The following PGBD5 variants were observed in gnomAD, a reference collection of about 807,000 sequenced individuals.
The protein encoded by PGBD5 is piggyBac transposable element-derived protein 5.
Under a neutral mutation model 47.9 loss-of-function variants are expected in PGBD5, and 14 were observed. The ratio of observed to expected loss-of-function variants is 0.29; its 90% CI spans 0.19 to 0.46. The LOEUF (loss-of-function observed/expected upper bound fraction) is 0.46. PGBD5 is among the 20% of genes least tolerant of loss of function. The pLI is 1.00. For synonymous variants in PGBD5, 316 were observed against 306.3 expected, an observed-to-expected ratio of 1.03 and a Z score of -0.33; for missense variants, 635 against 716.0, an observed-to-expected ratio of 0.89 and a Z score of 1.29.
At chr1:230,361,737 A>C (rs977742952) in intron 1 of PGBD5, among the ~76,000 whole-genome samples, 1 of 152,200 alleles carries the variant, frequency 6.6e-6, no homozygotes, top group Non-Finnish European at 1.5e-5. Context: ...AAGGAGTAAG[A>C]CTTGATATTC....
intron 2 of PGBD5, among the ~76,000 whole-genome samples, chr1:230,352,027 A>T (rs990279557): frequency 3.9e-5 from 6 of 152,214 alleles, no homozygotes; most frequent in Admixed American, 2.0e-4. Context: ...ATTATGAATT[A>T]GATTGTGCAT....
intron 1 of PGBD5, among the ~76,000 whole-genome samples, chr1:230,359,072 C>CTT (rs543587301): frequency 0.011 from 1,614 of 146,692 alleles, 25 homozygotes; most frequent in African/African-American, 0.036. Flanking sequence ...TTTTTCTTTT[C>CTT]TTTTTTTTTT....
rs150857836 is a variant in PGBD5 at position 230,408,652 on chromosome 1, T to C, written c.331+16946A>G. Among the ~76,000 whole-genome samples, 61 of 152,268 alleles carry C rather than the reference T, an allele frequency of 4.0e-4. 1 individual carries two copies. In the East Asian group the frequency reaches 0.012, roughly 29 times the overall value. On this transcript the variant is annotated intron_variant, in intron 1 of 6. Coordinates refer to ENST00000391860, the MANE Select transcript of PGBD5 (RefSeq NM_001258311.2). ...TTTCAATTAATGGTGCTGAAGCAAC[T>C]GAATATCCACATGCAAAAGAAAAAA...
chr1:230,372,926 A>G (rs2632565), intron 1 of PGBD5, among the ~76,000 whole-genome samples: 108,827 of 151,504 alleles, frequency 0.72, 39,473 homozygotes, highest in African/African-American at 0.74. Flanking sequence ...TCTACATATC[A>G]CCTCCTCCCA....
intron 1 of PGBD5, among the ~76,000 whole-genome samples, chr1:230,384,106 G>T (rs1455240882): frequency 2.6e-5 from 4 of 152,138 alleles, no homozygotes; most frequent in Non-Finnish European, 4.4e-5. Flanking sequence ...TTTCTTTGGG[G>T]GAATACTTTT....
In PGBD5 at chr1:230,379,835, T is replaced by C. The variant is rs1668065252; in HGVS notation, c.332-22514A>G. 2.6e-5 allele frequency among the ~76,000 whole-genome samples: 4 copies of C among 152,264 alleles called. No homozygotes were observed. In the South Asian group the frequency reaches 8.3e-4, roughly 31 times the overall value. On this transcript the variant is annotated intron_variant, in intron 1 of 6. Coordinates refer to ENST00000391860, the MANE Select transcript of PGBD5 (RefSeq NM_001258311.2). ...CTGACACATGTTGGCTCATTTAATCTGCATCCTCCCCTCTGAAATCTTATC... is the reference window on the plus strand; with the variant it reads ...CTGACACATGTTGGCTCATTTAATCCGCATCCTCCCCTCTGAAATCTTATC...
At chr1:230,354,361 G>A (rs1667603350) in intron 2 of PGBD5, among the ~76,000 whole-genome samples, 1 of 152,068 alleles carries the variant, frequency 6.6e-6, no homozygotes, top group Non-Finnish European at 1.5e-5. Context: ...CCTGAGCTGA[G>A]GCCTGGAGGT....
chr1:230,340,043 C>T (rs973436072), intron 3 of PGBD5, among the ~76,000 whole-genome samples: 12 of 152,058 alleles, frequency 7.9e-5, no homozygotes, highest in Middle Eastern at 3.4e-3. Context: ...TCAGTTGGCT[C>T]GATTTGGCCA....
At chr1:230,330,104 G>A (rs984351169) in intron 5 of PGBD5, among the ~76,000 whole-genome samples, 1 of 152,186 alleles carries the variant, frequency 6.6e-6, no homozygotes, top group African/African-American at 2.4e-5. Context: ...AAGGAAAATT[G>A]TAAGGAACAT....
rs748194917 is a variant in PGBD5 at position 230,351,072 on chromosome 1, G to A, written c.780C>T (p.Ile260=). 35 of 1,613,258 alleles carry A rather than the reference G, an allele frequency of 2.2e-5. No homozygotes were observed. The East Asian group carries it at 6.9e-4, about 32-fold the overall frequency. ...TGGCAATGAATACAGGATCCTCATC[G>A]ATCAGGGGTTCATGTAGCACCTGCC... is the stretch of plus-strand genomic sequence containing the variant. ...SQTQVLHEPL[I]DEDPVFIATC... is the part of the protein sequence containing the mutation. Residue 260 remains isoleucine, a synonymous_variant, in exon 3 of 7, where the codon ATC becomes ATT. Transcript: ENST00000391860.
At position 230,314,610 on chromosome 1, in the gene PGBD5, C is replaced by T. The variant is rs1335188752; in HGVS notation, c.*8815G>A. On this transcript the variant is annotated 3_prime_UTR_variant, in exon 7 of 7. Transcript: ENST00000391860. ...TTTTTTTTTTTTTTTTTTTTTGCCA[C>T]ATTTCACATTTGAGAACCCAGAATT... is the stretch of plus-strand genomic sequence containing the variant. The T allele has an allele frequency of 9.8e-6, 1 of 102,346 alleles. No homozygotes were observed. Among genetic ancestry groups the T allele is most frequent in the African/African-American group, 3.8e-5 (1 of 26,666 alleles). The allele number at this position is 102,346 out of a possible 1,614,324, so 6.3% of individuals were successfully genotyped here.
Position 230,315,866 on chromosome 1 carries a change from A to G in PGBD5, c.*7559T>C, listed in dbSNP as rs1349955770. On this transcript the variant is annotated 3_prime_UTR_variant, in exon 7 of 7. Transcript: ENST00000391860. ...TGCATATCTGTATACATGTGTATATATATACATATATGGATACATACATAT... is the reference window on the plus strand; with the variant it reads ...TGCATATCTGTATACATGTGTATATGTATACATATATGGATACATACATAT... 6.7e-6 allele frequency: 1 copy of G among 150,070 alleles called. No homozygotes were observed. The highest frequency in any genetic ancestry group is 1.5e-5 in the Non-Finnish European group (1 of 67,206). 9.3% of individuals were successfully genotyped at this position (150,070 alleles called of 1,614,324 possible).
intron 1 of PGBD5, among the ~76,000 whole-genome samples, chr1:230,358,202 G>A (rs1029743752): frequency 3.3e-5 from 5 of 151,982 alleles, no homozygotes; most frequent in African/African-American, 1.2e-4. Context: ...CAGACCCCAC[G>A]CTTTCCCTGG....
At chr1:230,347,476 C>CTTTTTCTTTTTT (rs1667492051) in intron 3 of PGBD5, among the ~76,000 whole-genome samples, 1 of 113,454 alleles carries the variant, frequency 8.8e-6, no homozygotes, top group Admixed American at 9.4e-5. Flanking sequence ...ATTTTCTTTT[C>CTTTTTCTTTTTT]TTTTTTTTTT....
intron 1 of PGBD5, among the ~76,000 whole-genome samples, chr1:230,424,221 G>C (rs1657720770): frequency 6.6e-6 from 1 of 152,188 alleles, no homozygotes; most frequent in African/African-American, 2.4e-5. Flanking sequence ...AGAGCCAATA[G>C]GAAAACAGCT....
At chr1:230,414,306 C>G (rs1657471972) in intron 1 of PGBD5, among the ~76,000 whole-genome samples, 1 of 152,178 alleles carries the variant, frequency 6.6e-6, no homozygotes, top group Non-Finnish European at 1.5e-5. Flanking sequence ...CAAAGACAGC[C>G]GCGGATCTTC....
chr1:230,337,809 G>T (rs1268093985), intron 3 of PGBD5, among the ~76,000 whole-genome samples: 1 of 152,122 alleles, frequency 6.6e-6, no homozygotes, highest in Non-Finnish European at 1.5e-5. Flanking sequence ...CTAAACATTT[G>T]CCCAAGAGTC....
intron 1 of PGBD5, chr1:230,377,409 C>T: frequency 1.5e-6 from 2 of 1,364,878 alleles, no homozygotes; most frequent in African/African-American, 2.9e-5. Flanking sequence ...AAGGCAGAAG[C>T]TGTGATGATG....
intron 1 of PGBD5, among the ~76,000 whole-genome samples, chr1:230,396,460 C>T (rs1656980768): frequency 7.3e-6 from 1 of 136,502 alleles, no homozygotes; most frequent in Non-Finnish European, 1.6e-5. Context: ...CCTCCTCCCC[C>T]TCAACTTCCC....
Sources: allele counts gnomAD v4.1 joint callset (sites outside exome capture counted in the v4.1 genomes callset), GRCh38; gene constraint gnomAD v4.1.1; transcripts MANE v1.5; gene names NCBI Gene and HGNC (gene_info 2026-07-23, HGNC 2026-07-21).